The following CUL5 variants were observed in gnomAD, a reference collection of about 807,000 sequenced individuals.
CUL5 encodes the protein cullin-5.
Under a neutral mutation model 108.8 loss-of-function variants are expected in CUL5, and 26 were observed. The ratio of observed to expected loss-of-function variants is 0.24; its 90% CI spans 0.18 to 0.33. The LOEUF is 0.33. Among genes scored for constraint, CUL5 ranks in the 10% least tolerant of loss-of-function variants. The pLI is 1.00. For missense variants in CUL5, 524 were observed against 909.2 expected (o/e 0.58, Z 5.45); for synonymous variants, 334 against 298.0 (o/e 1.12, Z -1.25).
At chr11:108,085,008 G>A (rs1410098495) in intron 11 of CUL5, 1 of 152,236 alleles carries the variant, frequency 6.6e-6, no homozygotes, top group African/African-American at 2.4e-5. Context: ...CACTTGACTA[G>A]CCTTTCAAAA....
chr11:108,100,890 G>GT (rs1460384025), intron 18 of CUL5, among the ~76,000 whole-genome samples: 3 of 152,100 alleles, frequency 2.0e-5, no homozygotes, highest in Non-Finnish European at 2.9e-5. Context: ...CTAGCCAGGT[G>GT]TAGTGGTGCA....
chr11:108,027,168 G>A (rs1862471686), intron 1 of CUL5, among the ~76,000 whole-genome samples: 2 of 151,722 alleles, frequency 1.3e-5, no homozygotes, highest in South Asian at 4.2e-4. Flanking sequence ...GGGTCTCACT[G>A]TCGCTGTCGC....
intron 2 of CUL5, among the ~76,000 whole-genome samples, chr11:108,041,347 G>A (rs1218525073): frequency 2.0e-5 from 3 of 150,336 alleles, no homozygotes; most frequent in Non-Finnish European, 4.4e-5. Context: ...GCATGATCTC[G>A]GCTCATTGCA....
intron 2 of CUL5, among the ~76,000 whole-genome samples, chr11:108,043,440 C>T (rs1862985838): frequency 6.6e-6 from 1 of 152,124 alleles, no homozygotes; most frequent in Non-Finnish European, 1.5e-5. Context: ...ATGCAGGAGT[C>T]ATTTAATCAT....
At chr11:108,009,648 G>A (rs1015116759) in intron 1 of CUL5, among the ~76,000 whole-genome samples, 12 of 152,226 alleles carry the variant, frequency 7.9e-5, no homozygotes, top group Admixed American at 6.5e-4. Context: ...GCTCTGGCCG[G>A]GAGCGGGAGA....
intron 5 of CUL5, among the ~76,000 whole-genome samples, chr11:108,053,791 A>C (rs1350994591): frequency 6.6e-6 from 1 of 150,630 alleles, no homozygotes; most frequent in Non-Finnish European, 1.5e-5. Flanking sequence ...CAGTCCTCCT[A>C]TCTCAGTGTC....
intron 7 of CUL5, among the ~76,000 whole-genome samples, chr11:108,060,123 A>T (rs1415181338): frequency 2.6e-5 from 4 of 152,288 alleles, no homozygotes; most frequent in Non-Finnish European, 4.4e-5. Flanking sequence ...CATTAAAATA[A>T]GCACTTATTA....
At chr11:108,034,013 A>AT in intron 2 of CUL5, 102 bp downstream of exon 2, 1 of 702,262 alleles carries the variant, frequency 1.4e-6, no homozygotes, top group Non-Finnish European at 2.5e-6. Flanking sequence ...CTGTTTACCT[A>AT]TTAAAAAGTA....
chr11:108,087,433 T>C (rs1325993050), intron 11 of CUL5, among the ~76,000 whole-genome samples: 3 of 152,184 alleles, frequency 2.0e-5, no homozygotes, highest in Non-Finnish European at 2.9e-5. Context: ...TCAATTTAAA[T>C]TTATTTACAT....
At chr11:108,032,581 GTCTCTC>G (rs371413301) in intron 1 of CUL5, among the ~76,000 whole-genome samples, 30 of 150,154 alleles carry the variant, frequency 2.0e-4, no homozygotes, top group African/African-American at 7.1e-4. Flanking sequence ...CACATATGGG[GTCTCTC>G]TCTCTCTCTC....
chr11:108,073,298 AAAT>A (rs1387151212), intron 9 of CUL5, 89 bp from the exon 10 acceptor site: 6 of 638,782 alleles, frequency 9.4e-6, no homozygotes, highest in Non-Finnish European at 1.6e-5. Flanking sequence ...CCCCAGTTTT[AAAT>A]GAGTTTTATT....
chr11:108,029,187 G>T (rs1565236211), intron 1 of CUL5, among the ~76,000 whole-genome samples: 1 of 151,584 alleles, frequency 6.6e-6, no homozygotes, highest in East Asian at 1.9e-4. Flanking sequence ...TAGTTGTGCT[G>T]TAAGGAGTGA....
intron 11 of CUL5, among the ~76,000 whole-genome samples, chr11:108,084,548 C>T (rs1296875422): frequency 1.3e-5 from 2 of 152,182 alleles, no homozygotes; most frequent in African/African-American, 4.8e-5. Context: ...AAAGGATGAA[C>T]CCATTCTTAA....
At chr11:108,040,925 T>C (rs7103534) in intron 2 of CUL5, among the ~76,000 whole-genome samples, 20,074 of 152,250 alleles carry the variant, frequency 0.13, 1,411 homozygotes, top group African/African-American at 0.18. Context: ...TAGGGAATTA[T>C]CTAACTCCAC....
At chr11:108,097,313 G>T (rs1287674883) in intron 16 of CUL5, among the ~76,000 whole-genome samples, 1 of 152,232 alleles carries the variant, frequency 6.6e-6, no homozygotes, top group Non-Finnish European at 1.5e-5. Context: ...ACTGCACTTG[G>T]CCTGAAGTTC....
chr11:108,052,815 T>G lies in CUL5; in HGVS notation c.553+14T>G. 6.3e-7 allele frequency: 1 copy of G among 1,585,624 alleles called. No individual in the cohort carries two copies. The highest frequency in any genetic ancestry group is 8.6e-7 in the Non-Finnish European group (1 of 1,166,164). ...GAGAATCCTATGGTATGTTCTGAACTTTTATGATCATAATTTCTGTTTCAT... is the reference window on the plus strand; with the variant it reads ...GAGAATCCTATGGTATGTTCTGAACGTTTATGATCATAATTTCTGTTTCAT... On this transcript the variant is annotated intron_variant, in intron 5 of 18. Coordinates refer to ENST00000393094, the MANE Select transcript of CUL5 (RefSeq NM_003478.6).
chr11:108,025,700 C>T (rs1397170884), intron 1 of CUL5, among the ~76,000 whole-genome samples: 2 of 152,138 alleles, frequency 1.3e-5, no homozygotes, highest in Middle Eastern at 3.2e-3. Context: ...CAGTCTCTTA[C>T]AGTTTTCTCA....
intron 7 of CUL5, 55 bp downstream of exon 7, chr11:108,055,010 A>G: frequency 6.8e-6 from 8 of 1,177,862 alleles, no homozygotes; most frequent in Non-Finnish European, 8.6e-6. Flanking sequence ...ACGGAAGCAT[A>G]GGAATGGCAA....
chr11:108,052,977 A>AT (rs2135135696), intron 5 of CUL5, among the ~76,000 whole-genome samples, 176 bp downstream of exon 5: 1 of 152,346 alleles, frequency 6.6e-6, no homozygotes, highest in East Asian at 1.9e-4. Flanking sequence ...ATGTATAAAA[A>AT]TTCATATTAA....
Sources: allele counts gnomAD v4.1 joint callset (sites outside exome capture counted in the v4.1 genomes callset), GRCh38; gene constraint gnomAD v4.1.1; transcripts MANE v1.5; gene names NCBI Gene and HGNC (gene_info 2026-07-23, HGNC 2026-07-21).